FSTL4: variants seen among roughly 807,000 people sequenced by gnomAD.
FSTL4 encodes the protein follistatin-related protein 4.
A neutral mutation model predicts 78.2 loss-of-function variants in FSTL4; 28 were observed. The ratio of observed to expected loss-of-function variants is 0.36; its 90% CI spans 0.27 to 0.49. The LOEUF (loss-of-function observed/expected upper bound fraction) is 0.49. Among genes scored for constraint, FSTL4 ranks in the 20% least tolerant of loss-of-function variants. The pLI is 0.98. For synonymous variants in FSTL4, 422 were observed against 440.5 expected (o/e 0.96, Z 0.53); for missense variants, 922 against 1,084.9 (o/e 0.85, Z 2.11).
At chr5:133,250,342 C>A (rs539086253) in intron 6 of FSTL4, among the ~76,000 whole-genome samples, 1 of 152,264 alleles carries the variant, frequency 6.6e-6, no homozygotes, top group African/African-American at 2.4e-5. Context: ...CTCAAATGAC[C>A]AAATGGGATC....
At chr5:133,220,413 T>G (rs1020378241) in intron 12 of FSTL4, among the ~76,000 whole-genome samples, 4 of 152,248 alleles carry the variant, frequency 2.6e-5, no homozygotes, top group Non-Finnish European at 4.4e-5. Context: ...TGGCCTTAGT[T>G]TCCTGAAGGC....
chr5:133,558,210 A>G (rs916824162), intron 3 of FSTL4, among the ~76,000 whole-genome samples: 2 of 152,202 alleles, frequency 1.3e-5, no homozygotes, highest in African/African-American at 4.8e-5. Context: ...TAAGCAACCA[A>G]TAAAACCTCA....
intron 3 of FSTL4, among the ~76,000 whole-genome samples, chr5:133,475,439 TC>T (rs1757910133): frequency 6.6e-6 from 1 of 152,110 alleles, no homozygotes; most frequent in Admixed American, 6.5e-5. Context: ...TGCCTCCCCC[TC>T]CCCTGCCACA....
intron 4 of FSTL4, among the ~76,000 whole-genome samples, chr5:133,362,400 C>T (rs963186086): frequency 6.6e-6 from 1 of 152,164 alleles, no homozygotes; most frequent in Non-Finnish European, 1.5e-5. Flanking sequence ...TCTAAAAAGT[C>T]GGCACTGGAT....
chr5:133,211,688 T>TA (rs1246293792), intron 13 of FSTL4, among the ~76,000 whole-genome samples: 1 of 152,194 alleles, frequency 6.6e-6, no homozygotes, highest in Non-Finnish European at 1.5e-5. Flanking sequence ...TCCACATGAT[T>TA]AAACCCTTAC....
intron 3 of FSTL4, among the ~76,000 whole-genome samples, chr5:133,554,390 C>T (rs1041818222): frequency 1.7e-4 from 26 of 152,208 alleles, no homozygotes; most frequent in African/African-American, 6.3e-4. Context: ...CCATGACACT[C>T]GCGTCCTAAT....
At chr5:133,554,294 G>A (rs1759743919) in intron 3 of FSTL4, among the ~76,000 whole-genome samples, 1 of 152,200 alleles carries the variant, frequency 6.6e-6, no homozygotes, top group African/African-American at 2.4e-5. Context: ...CCACAGTGGT[G>A]GGCACATCTA....
chr5:133,343,645 T>C (rs1754636552), intron 4 of FSTL4, among the ~76,000 whole-genome samples: 1 of 152,106 alleles, frequency 6.6e-6, no homozygotes, highest in South Asian at 2.1e-4. Flanking sequence ...TGTGGTTTGG[T>C]GATGTTTGGT....
intron 3 of FSTL4, among the ~76,000 whole-genome samples, chr5:133,414,905 G>GA (rs531006510): frequency 6.6e-6 from 1 of 152,218 alleles, no homozygotes; most frequent in South Asian, 2.1e-4. Flanking sequence ...CTGCCACCAG[G>GA]AATTTAAACA....
At chr5:133,371,350 T>G (rs983349057) in intron 4 of FSTL4, among the ~76,000 whole-genome samples, 1 of 152,194 alleles carries the variant, frequency 6.6e-6, no homozygotes, top group Non-Finnish European at 1.5e-5. Context: ...ATTTAACATA[T>G]CTACTCTTGA....
At chr5:133,833,683 A>G in the FSTL4 span, among the ~76,000 whole-genome samples, 1 of 152,192 alleles carries the variant, frequency 6.6e-6, no homozygotes, top group African/African-American at 2.4e-5. Flanking sequence ...TCCAGACATC[A>G]CATTTTAATA....
chr5:133,565,520 T>C (rs1760007038), intron 3 of FSTL4, among the ~76,000 whole-genome samples: 1 of 152,254 alleles, frequency 6.6e-6, no homozygotes, highest in South Asian at 2.1e-4. Context: ...AAAAAGTTTC[T>C]GTGATGTTAG....
At chr5:133,550,927 T>C (rs1452176243) in intron 3 of FSTL4, among the ~76,000 whole-genome samples, 3 of 152,198 alleles carry the variant, frequency 2.0e-5, no homozygotes, top group Non-Finnish European at 4.4e-5. Context: ...TCCTTTTATA[T>C]AGTGTGCCAT....
intron 3 of FSTL4, 102 bp downstream of exon 3, chr5:133,567,084 A>C: frequency 2.3e-6 from 2 of 867,834 alleles, no homozygotes; most frequent in East Asian, 4.8e-5. Context: ...TGAAATTTCA[A>C]AGAATGAGCT....
At chr5:133,726,309 A>G in the FSTL4 span, among the ~76,000 whole-genome samples, 345 of 152,316 alleles carry the variant, frequency 2.3e-3, 3 homozygotes, top group African/African-American at 7.8e-3. Flanking sequence ...CCGAACATTT[A>G]TATACTTGGT....
intron 6 of FSTL4, among the ~76,000 whole-genome samples, chr5:133,261,561 C>G (rs1752521206): frequency 6.6e-6 from 1 of 152,124 alleles, no homozygotes; most frequent in African/African-American, 2.4e-5. Context: ...TAAAACAGAG[C>G]TCATGAGAGT....
intron 13 of FSTL4, among the ~76,000 whole-genome samples, chr5:133,212,861 A>G (rs181824445): frequency 4.1e-4 from 62 of 152,348 alleles, no homozygotes; most frequent in African/African-American, 1.5e-3. Flanking sequence ...AAAAATCTGG[A>G]AAGTAGAGAA....
At chr5:133,682,578 G>T in the FSTL4 span, among the ~76,000 whole-genome samples, 3 of 152,204 alleles carry the variant, frequency 2.0e-5, no homozygotes, top group Non-Finnish European at 4.4e-5. Context: ...ATAGCAAGGG[G>T]CTGCCCTGGA....
chr5:133,749,159 C>T, the FSTL4 span, among the ~76,000 whole-genome samples: 1 of 152,098 alleles, frequency 6.6e-6, no homozygotes, highest in African/African-American at 2.4e-5. Context: ...GCTTTGAATC[C>T]CTTAAGGAAT....
Sources: gnomAD v4.1 joint callset for allele counts (sites outside exome capture counted in the v4.1 genomes callset) on GRCh38, gnomAD v4.1.1 for gene constraint, MANE v1.5 for transcripts, NCBI Gene and HGNC (gene_info 2026-07-23, HGNC 2026-07-21) for gene names.